Variants in PWWP3B observed in about 807,000 individuals in gnomAD.
PWWP3B encodes the protein PWWP domain-containing DNA repair factor 3B.
A neutral mutation model predicts 15.7 loss-of-function variants in PWWP3B; 5 were observed. The observed-to-expected ratio is 0.32, with a 90% CI of 0.17 to 0.67. The LOEUF is 0.67. Among genes scored for constraint, PWWP3B ranks in the 30% least tolerant of loss-of-function variants. The probability of loss-of-function intolerance (pLI) is 0.74; values close to 1 mark genes in which losing one functional copy is unlikely to be tolerated. For synonymous variants in PWWP3B, 203 were observed against 179.8 expected (o/e 1.13, Z -1.03); for missense variants, 519 against 493.1 (o/e 1.05, Z -0.50).
intron 2 of PWWP3B, among the ~76,000 whole-genome samples, chrX:106,194,018 C>CT (rs1361743047): frequency 2.7e-5 from 3 of 111,072 alleles, no homozygotes; most frequent in East Asian, 2.8e-4. Context: ...AATTATGTGT[C>CT]TTGGAGTTGC....
At chrX:106,190,148 A>G (rs1922825095) in intron 2 of PWWP3B, among the ~76,000 whole-genome samples, 1 of 111,352 alleles carries the variant, frequency 9.0e-6, no homozygotes, top group Non-Finnish European at 1.9e-5. Context: ...GAACTAGTTG[A>G]CAGTCCCACC....
At chrX:106,198,775 C>A (rs1923524130) in intron 2 of PWWP3B, among the ~76,000 whole-genome samples, 1 of 110,802 alleles carries the variant, frequency 9.0e-6, no homozygotes, top group African/African-American at 3.3e-5. Context: ...ATAGCATTTC[C>A]TGATTTATGT....
intron 2 of PWWP3B, among the ~76,000 whole-genome samples, chrX:106,202,742 A>G (rs1206388174): frequency 3.6e-5 from 4 of 112,403 alleles, no homozygotes; most frequent in African/African-American, 1.3e-4. Context: ...ACAATGAAAT[A>G]CTATGCATTT....
chrX:106,197,355 A>G (rs1428795158), intron 2 of PWWP3B, among the ~76,000 whole-genome samples: 1 of 111,438 alleles, frequency 9.0e-6, no homozygotes, highest in East Asian at 2.8e-4. Context: ...TCTCCCTCCC[A>G]GGCAAGTAAG....
chrX:106,191,353 G>A (rs1339318699), intron 2 of PWWP3B, among the ~76,000 whole-genome samples: 1 of 110,998 alleles, frequency 9.0e-6, no homozygotes, highest in Non-Finnish European at 1.9e-5. Flanking sequence ...GTCTGTTATT[G>A]GTGTATAAGA....
At chrX:106,189,791 G>C (rs1922787551) in intron 2 of PWWP3B, among the ~76,000 whole-genome samples, 1 of 108,941 alleles carries the variant, frequency 9.2e-6, no homozygotes, top group Non-Finnish European at 1.9e-5. Flanking sequence ...CTAATTTTTT[G>C]TATTTTTAGT....
At chrX:106,201,298 T>C (rs146776124) in intron 2 of PWWP3B, among the ~76,000 whole-genome samples, 2,139 of 111,412 alleles carry the variant, frequency 0.019, 55 homozygotes, top group African/African-American at 0.066. Context: ...AGAAATAAAG[T>C]CTCCCTCAAA....
At chrX:106,181,757 G>A (rs144024543) in intron 2 of PWWP3B, among the ~76,000 whole-genome samples, 2,862 of 111,478 alleles carry the variant, frequency 0.026, 97 homozygotes, top group African/African-American at 0.088. Flanking sequence ...TCAAAGGGCC[G>A]GCAGGTCGGT....
chrX:106,176,538 T>G (rs1921909177), intron 2 of PWWP3B, among the ~76,000 whole-genome samples: 1 of 111,973 alleles, frequency 8.9e-6, no homozygotes, highest in African/African-American at 3.2e-5. Context: ...CATTGTGAAT[T>G]GTCTATTTAT....
chrX:106,208,884 T>C lies in PWWP3B; in HGVS notation c.*1361T>C, dbSNP rs966464900. ...CTCTTGGGCTCTTGTTATACAGTCA[T>C]ATGGCTACACGTTTATGTAAAGTTT... On this transcript the variant is annotated 3_prime_UTR_variant, in exon 4 of 4. Transcript: ENST00000357175. 3 of 123,309 alleles carry C rather than the reference T, an allele frequency of 2.4e-5. No homozygotes were observed. Among genetic ancestry groups the C allele is most frequent in the Non-Finnish European group, 5.6e-5 (3 of 53,342 alleles). 10.2% of individuals were successfully genotyped at this position (123,309 alleles called of 1,213,427 possible).
rs754750107 is a variant in PWWP3B, at chrX:106,205,530, A to G, written c.98A>G (p.Lys33Arg). ...ACTTCATCAAACAGTAAGAGGAAAAAGGCATTTTCTCTAGAAGTTCAAATA... is the reference window on the plus strand; with the variant it reads ...ACTTCATCAAACAGTAAGAGGAAAAGGGCATTTTCTCTAGAAGTTCAAATA... ...SETSSNSKRK[K>R]AFSLEVQILS... The change falls in exon 4 of 4, where the codon AAG becomes AGG. Residue 33 changes from lysine (K) to arginine (R), a missense_variant. Physicochemically the swap from Lys to Arg is conservative, Grantham distance 26 (BLOSUM62 2). Transcript: ENST00000357175. The G allele has an allele frequency of 1.2e-5, 14 of 1,202,339 alleles. No homozygotes were observed. Among genetic ancestry groups the G allele is most frequent in the Non-Finnish European group, 1.5e-5 (13 of 891,099 alleles).
At chrX:106,198,195 C>CA (rs1923492300) in intron 2 of PWWP3B, among the ~76,000 whole-genome samples, 1 of 111,306 alleles carries the variant, frequency 9.0e-6, no homozygotes, top group African/African-American at 3.3e-5. Flanking sequence ...ATATAACCAC[C>CA]ACCACAGTCA....
At chrX:106,175,142 A>G (rs1921819602) in intron 2 of PWWP3B, among the ~76,000 whole-genome samples, 1 of 110,114 alleles carries the variant, frequency 9.1e-6, no homozygotes, top group South Asian at 3.9e-4. Flanking sequence ...AGTCAAGGAT[A>G]GTAAGCATGG....
At chrX:106,190,426 T>G (rs1319009887) in intron 2 of PWWP3B, among the ~76,000 whole-genome samples, 1 of 111,899 alleles carries the variant, frequency 8.9e-6, no homozygotes, top group Non-Finnish European at 1.9e-5. Flanking sequence ...TTGAGTTCAT[T>G]GTAGATTCTG....
chrX:106,205,721 C>T lies in PWWP3B; in HGVS notation c.289C>T (p.Leu97=), dbSNP rs1322104853. The T allele has an allele frequency of 8.3e-7, 1 of 1,211,516 alleles. No individual in the cohort carries two copies. Among genetic ancestry groups the T allele is most frequent in the Non-Finnish European group, 1.1e-6 (1 of 895,402 alleles). The change falls in exon 4 of 4, where the codon CTG becomes TTG. Residue 97 remains leucine, a synonymous_variant. Coordinates refer to ENST00000357175, the MANE Select transcript of PWWP3B (RefSeq NM_001171020.2). ...GRSLKVALGI[L]NERTNLSQAS... The stretch of plus-strand genomic sequence containing the variant: ...ATCACTAAAAGTGGCACTGGGTATT[C>T]TGAATGAGAGAACAAATTTGAGTCA...
Position 106,205,271 on chromosome X carries a change from T to C in PWWP3B, c.-162T>C, listed in dbSNP as rs992139175. 2.9e-5 allele frequency: 12 copies of C among 414,647 alleles called. No homozygotes were observed. Among genetic ancestry groups the C allele is most frequent in the Non-Finnish European group, 4.3e-5 (11 of 253,668 alleles). 34.2% of individuals were successfully genotyped at this position (414,647 alleles called of 1,213,427 possible). A position where few individuals can be genotyped will look rare whatever the true frequency, so the allele number is the denominator to read the frequency against. ...AACGTGTTCAAGCATCCTTGGAAAA[T>C]TGAGGTGGAGAACAGGCCACACAAG... is the stretch of plus-strand genomic sequence containing the variant. On this transcript the variant is annotated 5_prime_UTR_variant, in exon 4 of 4. Transcript: ENST00000357175.
intron 2 of PWWP3B, among the ~76,000 whole-genome samples, chrX:106,196,377 A>C (rs749850478): frequency 1.8e-5 from 2 of 112,212 alleles, no homozygotes; most frequent in Admixed American, 9.5e-5. Context: ...TTAGGGGAAA[A>C]GCATTCTATG....
chrX:106,195,666 A>G (rs1923334436), intron 2 of PWWP3B, among the ~76,000 whole-genome samples: 1 of 112,012 alleles, frequency 8.9e-6, no homozygotes, highest in African/African-American at 3.2e-5. Flanking sequence ...TCTATAGGTC[A>G]ATCCTATGTC....
chrX:106,177,973 C>T (rs1166968557), intron 2 of PWWP3B, among the ~76,000 whole-genome samples: 1 of 111,311 alleles, frequency 9.0e-6, no homozygotes, highest in African/African-American at 3.3e-5. Context: ...TCTATTTGTG[C>T]TTGTTTTCAT....
Sources: gnomAD v4.1 joint callset for allele counts (sites outside exome capture counted in the v4.1 genomes callset) on GRCh38, gnomAD v4.1.1 for gene constraint, MANE v1.5 for transcripts, NCBI Gene and HGNC (gene_info 2026-07-23, HGNC 2026-07-21) for gene names.